TCF4: variants seen among roughly 807,000 people sequenced by gnomAD.
The protein encoded by TCF4 is SL3-3 enhancer factor 2.
TCF4 carries 3 observed loss-of-function variants against 82.1 expected under a neutral mutation model. The ratio of observed to expected loss-of-function variants is 0.04; its 90% confidence interval spans 0.02 to 0.09. TCF4 has a LOEUF of 0.09. Among genes scored for constraint, TCF4 ranks in the 10% least tolerant of loss-of-function variants. The probability of loss-of-function intolerance (pLI) is 1.00; values close to 1 mark genes in which losing one functional copy is unlikely to be tolerated. For synonymous variants in TCF4, 276 were observed against 309.6 expected (o/e 0.89, Z 1.14); for missense variants, 518 against 852.7 (o/e 0.61, Z 4.89).
chr18:55,383,582 T>C (rs2092261995), intron 6 of TCF4, among the ~76,000 whole-genome samples: 1 of 152,144 alleles, frequency 6.6e-6, no homozygotes, highest in Non-Finnish European at 1.5e-5. Flanking sequence ...AACATTCAAA[T>C]TCCCAAGCTG....
chr18:55,402,539 TAG>T (rs2093884846), intron 6 of TCF4, among the ~76,000 whole-genome samples: 1 of 151,334 alleles, frequency 6.6e-6, no homozygotes, highest in African/African-American at 2.4e-5. Flanking sequence ...ATAAAAACAG[TAG>T]AGAGCTCTGA....
At chr18:55,599,953 G>T (rs917408141) in intron 2 of TCF4, among the ~76,000 whole-genome samples, 1 of 152,116 alleles carries the variant, frequency 6.6e-6, no homozygotes, top group African/African-American at 2.4e-5. Flanking sequence ...ACATCATCCA[G>T]TGGAATATAT....
chr18:55,335,986 T>C (rs551881706), intron 8 of TCF4, among the ~76,000 whole-genome samples: 9 of 150,716 alleles, frequency 6.0e-5, no homozygotes, highest in Middle Eastern at 3.4e-3. Flanking sequence ...GACATCAAAA[T>C]AGTAAAAAGG....
At chr18:55,232,284 C>T in intron 17 of TCF4, 1 of 519,958 alleles carries the variant, frequency 1.9e-6, no homozygotes, top group Admixed American at 3.4e-5. Flanking sequence ...CACTGTGTGT[C>T]ATTAGCATTG....
chr18:55,249,652 C>A lies in TCF4; in HGVS notation c.1350+4845G>T, dbSNP rs146647411. 1.5e-4 allele frequency among the ~76,000 whole-genome samples: 23 copies of A among 152,332 alleles called. No homozygotes were observed. In the East Asian group the frequency reaches 4.4e-3, roughly 29 times the overall value. The stretch of plus-strand genomic sequence containing the variant: ...CTAGCCTGTGAATTCCTTGAGAGCA[C>A]AGAACCTACACTTGGTAACCACGGA... On this transcript the variant is annotated intron_variant, in intron 15 of 19. Coordinates refer to ENST00000354452, the MANE Select transcript of TCF4 (RefSeq NM_001083962.2).
At chr18:55,339,540 G>A (rs1422472961) in intron 8 of TCF4, among the ~76,000 whole-genome samples, 7 of 152,140 alleles carry the variant, frequency 4.6e-5, no homozygotes, top group African/African-American at 1.7e-4. Context: ...GGGTGTACAC[G>A]GAAGAAGTTC....
At chr18:55,478,596 G>A (rs2096352155) in intron 3 of TCF4, among the ~76,000 whole-genome samples, 1 of 152,038 alleles carries the variant, frequency 6.6e-6, no homozygotes, top group Non-Finnish European at 1.5e-5. Flanking sequence ...GAAACCTACA[G>A]AAAAGAAATA....
intron 12 of TCF4, 131 bp from the exon 13 acceptor site, chr18:55,260,158 C>A: frequency 1.4e-6 from 1 of 708,680 alleles, no homozygotes; most frequent in Non-Finnish European, 2.5e-6. Context: ...TAATCAACTA[C>A]AGTACCAAAA....
chr18:55,385,013 T>C (rs1331761313), intron 6 of TCF4, among the ~76,000 whole-genome samples: 3 of 152,138 alleles, frequency 2.0e-5, no homozygotes, highest in Admixed American at 2.0e-4. Flanking sequence ...ACAACCTCTC[T>C]TTCCTCTTTC....
chr18:55,346,954 A>G (rs1203948806), intron 8 of TCF4, among the ~76,000 whole-genome samples: 1 of 152,080 alleles, frequency 6.6e-6, no homozygotes, highest in Non-Finnish European at 1.5e-5. Context: ...ACTATAGTAC[A>G]TTTTTCTGTG....
intron 3 of TCF4, among the ~76,000 whole-genome samples, chr18:55,471,824 T>C (rs988477505): frequency 4.6e-5 from 7 of 152,082 alleles, no homozygotes; most frequent in African/African-American, 1.4e-4. Flanking sequence ...CTTTCCATTT[T>C]CAGATGACTG....
At chr18:55,336,195 A>G (rs1389494874) in intron 8 of TCF4, among the ~76,000 whole-genome samples, 2 of 152,136 alleles carry the variant, frequency 1.3e-5, no homozygotes, top group African/African-American at 2.4e-5. Flanking sequence ...ATGTTTGATC[A>G]TGATACATTA....
chr18:55,515,029 T>C (rs1368844638), intron 3 of TCF4, among the ~76,000 whole-genome samples: 1 of 152,128 alleles, frequency 6.6e-6, no homozygotes, highest in Non-Finnish European at 1.5e-5. Flanking sequence ...ATTACTTTCT[T>C]AAGGATGAAA....
At chr18:55,269,570 T>C (rs1457531834) in intron 11 of TCF4, 2 of 484,560 alleles carry the variant, frequency 4.1e-6, no homozygotes, top group African/African-American at 3.9e-5. Context: ...AACAAGATAG[T>C]TTTGGTCTGT....
intron 8 of TCF4, among the ~76,000 whole-genome samples, chr18:55,318,809 T>TA (rs1483163546): frequency 4.6e-5 from 7 of 152,174 alleles, no homozygotes; most frequent in Non-Finnish European, 1.0e-4. Flanking sequence ...GCTAGAAAGT[T>TA]AGAGGACAAC....
At chr18:55,491,918 T>C (rs778468401) in intron 3 of TCF4, among the ~76,000 whole-genome samples, 1 of 152,210 alleles carries the variant, frequency 6.6e-6, no homozygotes, top group Non-Finnish European at 1.5e-5. Flanking sequence ...TTGAGGGCAG[T>C]GCATTTAATC....
At position 55,332,780 on chromosome 18, in the gene TCF4, C is replaced by A. The variant is rs1013864944; in HGVS notation, c.549+17579G>T. ...CAAGTGAGTGAAAACTTCTGACTCACGTCAGTGTTTCTTTCCCTTTGAGGA... is the reference window on the plus strand; with the variant it reads ...CAAGTGAGTGAAAACTTCTGACTCAAGTCAGTGTTTCTTTCCCTTTGAGGA... On this transcript the variant is annotated intron_variant, in intron 8 of 19. Coordinates refer to ENST00000354452, the MANE Select transcript of TCF4 (RefSeq NM_001083962.2). 2.6e-5 allele frequency among the ~76,000 whole-genome samples: 4 copies of A among 152,212 alleles called. No homozygotes were observed. The South Asian group carries it at 8.3e-4, about 32-fold the overall frequency.
intron 8 of TCF4, among the ~76,000 whole-genome samples, chr18:55,340,291 A>G (rs1243521376): frequency 6.6e-6 from 1 of 152,202 alleles, no homozygotes; most frequent in Non-Finnish European, 1.5e-5. Context: ...GAGAGAAGAT[A>G]AAGTATTTCC....
At chr18:55,593,031 C>CA (rs2097687274), upstream of TCF4, among the ~76,000 whole-genome samples, 1 of 152,080 alleles carries the variant, frequency 6.6e-6, no homozygotes, top group South Asian at 2.1e-4. Context: ...GAACTTAATA[C>CA]AAAAAAGATT....
Sources: gnomAD v4.1 joint callset for allele counts (sites outside exome capture counted in the v4.1 genomes callset) on GRCh38, gnomAD v4.1.1 for gene constraint, MANE v1.5 for transcripts, NCBI Gene and HGNC (gene_info 2026-07-23, HGNC 2026-07-21) for gene names.